The following CHCHD3 variants were observed in gnomAD, a reference collection of about 807,000 sequenced individuals.
CHCHD3 encodes coiled-coil-helix-coiled-coil-helix domain containing 3, also known as MICOS complex subunit MIC19.
In CHCHD3, 20 loss-of-function variants were observed where a neutral mutation model predicts 38.2. The ratio of observed to expected loss-of-function variants is 0.52; its 90% CI spans 0.37 to 0.76. CHCHD3 has a LOEUF of 0.76. CHCHD3 is among the 30% of genes least tolerant of loss of function. The pLI is 0.00. For synonymous variants in CHCHD3, 82 were observed against 100.0 expected (o/e 0.82, Z 1.07); for missense variants, 245 against 279.2 (o/e 0.88, Z 0.87).
At chr7:132,940,647 G>A (rs1156579452) in intron 4 of CHCHD3, among the ~76,000 whole-genome samples, 1 of 152,110 alleles carries the variant, frequency 6.6e-6, no homozygotes, top group African/African-American at 2.4e-5. Flanking sequence ...CTGGCTTTCA[G>A]CAGTCATTTT....
intron 2 of CHCHD3, among the ~76,000 whole-genome samples, chr7:133,050,562 A>C (rs1814134237): frequency 6.6e-6 from 1 of 152,114 alleles, no homozygotes; most frequent in Admixed American, 6.5e-5. Flanking sequence ...TGTAAGCTTC[A>C]AGAATATTGC....
Position 132,895,504 on chromosome 7 carries a change from T to C in CHCHD3, c.370-9759A>G, listed in dbSNP as rs138206478. Among the ~76,000 whole-genome samples the C allele has an allele frequency of 8.7e-4, 133 of 152,394 alleles. No individual in the cohort carries two copies. In the Middle Eastern group the frequency reaches 0.027, roughly 31 times the overall value. On this transcript the variant is annotated intron_variant, in intron 4 of 7. Transcript: ENST00000262570. ...CCACAGGTTTAAGAGGTGATATGGTTTGGCTGTGTCCCCACCTAAATCTCA... is the reference window on the plus strand; with the variant it reads ...CCACAGGTTTAAGAGGTGATATGGTCTGGCTGTGTCCCCACCTAAATCTCA...
intron 4 of CHCHD3, among the ~76,000 whole-genome samples, chr7:132,961,009 C>T (rs561632260): frequency 6.8e-4 from 104 of 152,136 alleles, no homozygotes; most frequent in African/African-American, 2.4e-3. Flanking sequence ...CAGGATGCAG[C>T]ATCTCACACC....
At chr7:133,052,565 A>C (rs1035458140) in intron 2 of CHCHD3, among the ~76,000 whole-genome samples, 66 of 152,326 alleles carry the variant, frequency 4.3e-4, no homozygotes, top group African/African-American at 1.6e-3. Context: ...ACTGCAAAAA[A>C]ACTTCAGTGA....
chr7:132,857,940 C>A (rs1808383269), intron 5 of CHCHD3, among the ~76,000 whole-genome samples: 1 of 152,216 alleles, frequency 6.6e-6, no homozygotes, highest in Non-Finnish European at 1.5e-5. Flanking sequence ...CAGGATAACT[C>A]CCGTCTTCTG....
chr7:133,067,778 T>A (rs2117533795), intron 2 of CHCHD3, among the ~76,000 whole-genome samples: 1 of 152,350 alleles, frequency 6.6e-6, no homozygotes, highest in Non-Finnish European at 1.5e-5. Flanking sequence ...ATATATGTAG[T>A]TTATCTGTCA....
Position 133,034,444 on chromosome 7 carries a change from TATG to T in CHCHD3, c.170-9820_170-9818del, listed in dbSNP as rs556116050. Among the ~76,000 whole-genome samples, 346 of 150,756 alleles carry T rather than the reference TATG, an allele frequency of 2.3e-3. 2 individuals are homozygous for T. The highest frequency in any genetic ancestry group is 7.8e-3 in the African/African-American group (320 of 41,146). On this transcript the variant is annotated intron_variant, in intron 2 of 7. Transcript: ENST00000262570. Reference sequence around the variant, plus strand: ...CAAGGATGAGTAAAATCTAAACATATATGATACTTTTAAAAAAATGCATCTATA... The same window carrying T: ...CAAGGATGAGTAAAATCTAAACATATATACTTTTAAAAAAATGCATCTATA...
chr7:132,930,215 G>C, intron 4 of CHCHD3, among the ~76,000 whole-genome samples: 1 of 143,204 alleles, frequency 7.0e-6, no homozygotes, highest in Non-Finnish European at 1.5e-5. Context: ...TACCCAGGCT[G>C]GAGTGCAGTG....
At chr7:132,906,263 C>G (rs1341993215) in intron 4 of CHCHD3, among the ~76,000 whole-genome samples, 1 of 152,070 alleles carries the variant, frequency 6.6e-6, no homozygotes, top group Admixed American at 6.6e-5. Flanking sequence ...TGATCCTTGC[C>G]ATTTGTCACT....
chr7:132,921,675 T>C (rs1562908893), intron 4 of CHCHD3, among the ~76,000 whole-genome samples: 1 of 152,032 alleles, frequency 6.6e-6, no homozygotes, highest in Non-Finnish European at 1.5e-5. Flanking sequence ...AAAAAAGGAT[T>C]AAGTCATTTT....
At chr7:132,817,038 G>T (rs142844159) in intron 6 of CHCHD3, among the ~76,000 whole-genome samples, 143 of 152,274 alleles carry the variant, frequency 9.4e-4, no homozygotes, top group African/African-American at 3.2e-3. Context: ...GGGCATCCCT[G>T]TCTTCTCTGT....
intron 6 of CHCHD3, among the ~76,000 whole-genome samples, chr7:132,809,971 T>C (rs1185235474): frequency 6.6e-6 from 1 of 152,164 alleles, no homozygotes; most frequent in Non-Finnish European, 1.5e-5. Context: ...AATCAGAGCA[T>C]TGTAAATGTT....
Position 132,985,080 on chromosome 7 carries a change from T to G in CHCHD3, c.252-9794A>C, listed in dbSNP as rs1411382196. Among the ~76,000 whole-genome samples the G allele has an allele frequency of 4.9e-5, 4 of 82,090 alleles. 2 individuals carry two copies. Among genetic ancestry groups the G allele is most frequent in the African/African-American group, 9.3e-5 (2 of 21,504 alleles). 53.9% of individuals were successfully genotyped at this position (82,090 alleles called of 152,430 possible). On this transcript the variant is annotated intron_variant, in intron 3 of 7. Transcript: ENST00000262570. ...CCCGTCCGGAAGGGAGGTGGGGGGG[T>G]TAGCCCCCCGTCCGGCCAGCCGCCC...
intron 4 of CHCHD3, among the ~76,000 whole-genome samples, chr7:132,970,535 C>T (rs946309896): frequency 3.3e-5 from 5 of 152,178 alleles, no homozygotes; most frequent in African/African-American, 9.6e-5. Flanking sequence ...CTATAAGTAG[C>T]ATGGCTCTAT....
intron 3 of CHCHD3, among the ~76,000 whole-genome samples, chr7:133,006,162 C>T (rs548271447): frequency 6.6e-6 from 1 of 152,238 alleles, no homozygotes; most frequent in African/African-American, 2.4e-5. Context: ...TAGTAACCAC[C>T]CATCTAAAAT....
Position 132,993,892 on chromosome 7 carries a change from G to A in CHCHD3, c.252-18606C>T, listed in dbSNP as rs114131174. The stretch of plus-strand genomic sequence containing the variant: ...CTTCTGAGAAACAGCAACTAGTGGC[G>A]AGACTGAAATTGATAGCAGAAGGTG... On this transcript the variant is annotated intron_variant, in intron 3 of 7. Transcript: ENST00000262570. 3.8e-3 allele frequency among the ~76,000 whole-genome samples: 581 copies of A among 152,260 alleles called. 3 individuals are homozygous for A. The highest frequency in any genetic ancestry group is 0.013 in the African/African-American group (553 of 41,540).
intron 6 of CHCHD3, among the ~76,000 whole-genome samples, chr7:132,807,631 A>C (rs1020848602): frequency 1.5e-5 from 2 of 131,080 alleles, no homozygotes; most frequent in Admixed American, 1.7e-4. Context: ...ATATATATAT[A>C]TATATATATA....
chr7:133,057,742 G>A (rs1204087762), intron 2 of CHCHD3, among the ~76,000 whole-genome samples: 1 of 151,924 alleles, frequency 6.6e-6, no homozygotes, highest in Non-Finnish European at 1.5e-5. Flanking sequence ...ATGTTTAATA[G>A]GACAGGAAAA....
rs189627106 is a variant in CHCHD3 at position 133,030,238 on chromosome 7, A to G, written c.170-5611T>C. Among the ~76,000 whole-genome samples, 7 of 152,360 alleles carry G rather than the reference A, an allele frequency of 4.6e-5. No homozygotes were observed. In the East Asian group the frequency reaches 1.3e-3, roughly 29 times the overall value. The stretch of plus-strand genomic sequence containing the variant: ...CTTCATGGTATTTGTTTTTAAATCA[A>G]TAGAATACATAAAGCAATACTGTAT... On this transcript the variant is annotated intron_variant, in intron 2 of 7. Transcript: ENST00000262570.
Sources: allele counts gnomAD v4.1 joint callset (sites outside exome capture counted in the v4.1 genomes callset), GRCh38; gene constraint gnomAD v4.1.1; transcripts MANE v1.5; gene names NCBI Gene and HGNC (gene_info 2026-07-23, HGNC 2026-07-21).